Variants in C3orf49 observed in about 807,000 individuals in gnomAD.
C3orf49 encodes chromosome 3 open reading frame 49.
Under a neutral mutation model 13.3 loss-of-function variants are expected in C3orf49, and 27 were observed. The observed-to-expected ratio is 2.02, with a 90% CI of 1.49 to 2.79. C3orf49 has a LOEUF of 2.79. Among genes scored for constraint, C3orf49 ranks in the 30% most tolerant of loss-of-function variants. The probability of loss-of-function intolerance (pLI) is 0.00; values close to 1 mark genes in which losing one functional copy is unlikely to be tolerated. For missense variants in C3orf49, 242 were observed against 134.2 expected, an observed-to-expected ratio of 1.80 and a Z score of -3.97; for synonymous variants, 87 against 47.6, an observed-to-expected ratio of 1.83 and a Z score of -3.40.
chr3:63,782,386 T>G, the C3orf49 span: 7 of 152,214 alleles, frequency 4.6e-5, no homozygotes, highest in Non-Finnish European at 7.3e-5. Context: ...CATTTTCAAA[T>G]TCAATTTTCA....
the C3orf49 span, among the ~76,000 whole-genome samples, chr3:63,801,274 A>G: frequency 6.6e-6 from 1 of 152,080 alleles, no homozygotes; most frequent in Admixed American, 6.6e-5. Flanking sequence ...TTTTTTTTAT[A>G]GTAGAGAACA....
intron 5 of C3orf49, 41 bp downstream of exon 5, chr3:63,831,885 C>A: frequency 1.5e-6 from 1 of 684,810 alleles, no homozygotes; most frequent in South Asian, 1.5e-5. Flanking sequence ...TGACTTTGTT[C>A]CTGATTCTTT....
chr3:63,781,354 T>C, the C3orf49 span, among the ~76,000 whole-genome samples: 2 of 152,096 alleles, frequency 1.3e-5, no homozygotes, highest in Non-Finnish European at 2.9e-5. Context: ...TCTATATCTC[T>C]GTTTTGGTAC....
chr3:63,800,102 T>C, the C3orf49 span, among the ~76,000 whole-genome samples: 10 of 152,316 alleles, frequency 6.6e-5, no homozygotes, highest in South Asian at 2.1e-4. Flanking sequence ...ATCCTGATAA[T>C]TGAGGCAAAG....
chr3:63,786,682 TTGC>T, the C3orf49 span, among the ~76,000 whole-genome samples: 1 of 152,232 alleles, frequency 6.6e-6, no homozygotes, highest in Non-Finnish European at 1.5e-5. Context: ...TGCCTTCCAG[TTGC>T]TCTGTTAAGT....
the C3orf49 span, among the ~76,000 whole-genome samples, chr3:63,811,571 A>G: frequency 6.6e-6 from 1 of 150,460 alleles, no homozygotes; most frequent in African/African-American, 2.4e-5. Context: ...AAACAAAAAC[A>G]AAACAAAAAA....
chr3:63,811,620 A>G, the C3orf49 span, among the ~76,000 whole-genome samples: 1 of 151,776 alleles, frequency 6.6e-6, no homozygotes, highest in African/African-American at 2.4e-5. Context: ...ACTGGCTCAC[A>G]CCTATAGTCC....
upstream of C3orf49, among the ~76,000 whole-genome samples, chr3:63,816,474 C>A (rs763799831): frequency 6.6e-6 from 1 of 151,810 alleles, no homozygotes; most frequent in African/African-American, 2.4e-5. Flanking sequence ...TGCCTGTAAC[C>A]CCAGCTACTC....
the C3orf49 span, among the ~76,000 whole-genome samples, chr3:63,804,564 G>A: frequency 6.6e-6 from 1 of 152,154 alleles, no homozygotes; most frequent in Non-Finnish European, 1.5e-5. Context: ...GCATTCTGCA[G>A]ATTGCTTTTC....
chr3:63,840,867 C>T (rs897842117), intron 5 of C3orf49, among the ~76,000 whole-genome samples: 1 of 152,148 alleles, frequency 6.6e-6, no homozygotes, highest in Non-Finnish European at 1.5e-5. Context: ...CTTTGTAGGG[C>T]CACTGAACAA....
the C3orf49 span, among the ~76,000 whole-genome samples, chr3:63,812,663 G>A: frequency 6.6e-6 from 1 of 151,956 alleles, no homozygotes. Flanking sequence ...AAAGCAAATG[G>A]TTGAATTCAT....
chr3:63,818,395 A>C (rs1431221875), upstream of C3orf49, among the ~76,000 whole-genome samples: 1 of 152,174 alleles, frequency 6.6e-6, no homozygotes, highest in Non-Finnish European at 1.5e-5. Context: ...TCTTTTCCCC[A>C]GTACTGAAAC....
the C3orf49 span, among the ~76,000 whole-genome samples, chr3:63,801,913 C>G: frequency 1.3e-5 from 2 of 152,188 alleles, no homozygotes; most frequent in African/African-American, 4.8e-5. Flanking sequence ...TCCCTAGCAT[C>G]TTACATGGTA....
intron 3 of C3orf49, among the ~76,000 whole-genome samples, chr3:63,830,486 A>T (rs1259776892): frequency 6.6e-6 from 1 of 152,032 alleles, no homozygotes. Context: ...GCTAATTATT[A>T]AGCACAAGGG....
chr3:63,841,273 A>G (rs1701754325), intron 5 of C3orf49, among the ~76,000 whole-genome samples: 1 of 152,244 alleles, frequency 6.6e-6, no homozygotes, highest in South Asian at 2.1e-4. Context: ...GGACAGATCC[A>G]CAAGAAACTT....
intron 5 of C3orf49, chr3:63,833,892 A>C (rs1575800078): frequency 2.4e-6 from 1 of 425,384 alleles, no homozygotes; most frequent in South Asian, 4.4e-5. Flanking sequence ...GCATTTTATT[A>C]AGCATTTTTG....
At chr3:63,837,871 C>A in intron 5 of C3orf49, 1 of 940,420 alleles carries the variant, frequency 1.1e-6, no homozygotes, top group South Asian at 2.0e-5. Flanking sequence ...TTTTTTTAAT[C>A]CAGGTTGATT....
In C3orf49 at chr3:63,823,377, A is replaced by G. The variant is rs1287910026; in HGVS notation, c.253A>G (p.Lys85Glu). Residue 85 changes from lysine (K) to glutamate (E), a missense_variant, in exon 2 of 7, where the codon AAA becomes GAA. Transcript: ENST00000295896. The stretch of plus-strand genomic sequence containing the variant: ...AAATCAGAAAAGTAATTTGAAGACG[A>G]AAGTGAAGACTGCTTTTGGGAGGAT... ...QQNQKSNLKT[K>E]VKTAFGRMLS... The G allele has an allele frequency of 1.4e-6, 1 of 703,362 alleles. No individual in the cohort carries two copies. The highest frequency in any genetic ancestry group is 1.5e-5 in the South Asian group (1 of 67,606). 43.6% of individuals were successfully genotyped at this position (703,362 alleles called of 1,614,324 possible).
At chr3:63,782,032 A>T in the C3orf49 span, among the ~76,000 whole-genome samples, 4 of 152,166 alleles carry the variant, frequency 2.6e-5, 1 homozygote, top group South Asian at 8.3e-4. Context: ...CTGTGCTCTT[A>T]TCCTTCTGTA....
Sources: gnomAD v4.1 joint callset for allele counts (sites outside exome capture counted in the v4.1 genomes callset) on GRCh38, gnomAD v4.1.1 for gene constraint, MANE v1.5 for transcripts, NCBI Gene and HGNC (gene_info 2026-07-23, HGNC 2026-07-21) for gene names.